Variants in CFAP57 observed in about 807,000 individuals in gnomAD.
CFAP57 encodes cilia and flagella associated protein 57, also known as cilia- and flagella-associated protein 57.
CFAP57 carries 116 observed loss-of-function variants against 146.8 expected under a neutral mutation model. The ratio of observed to expected loss-of-function variants is 0.79; its 90% CI spans 0.68 to 0.92. The LOEUF is 0.92. Among genes scored for constraint, CFAP57 ranks in the 40% least tolerant of loss-of-function variants. CFAP57 has a pLI of 0.00. For synonymous variants in CFAP57, 518 were observed against 552.8 expected (o/e 0.94, Z 0.88); for missense variants, 1,377 against 1,527.2 (o/e 0.90, Z 1.64).
chr1:43,206,176 T>C (rs76361464), intron 9 of CFAP57, among the ~76,000 whole-genome samples: 2,117 of 152,166 alleles, frequency 0.014, 53 homozygotes, highest in African/African-American at 0.049. Context: ...ACCCAGGCTA[T>C]TCTCAAACTG....
intron 9 of CFAP57, among the ~76,000 whole-genome samples, chr1:43,200,397 G>A (rs1644066568): frequency 6.6e-6 from 1 of 151,488 alleles, no homozygotes; most frequent in South Asian, 2.1e-4. Context: ...TGCGGTGGGA[G>A]GATCACTTGG....
chr1:43,209,655 G>A (rs1210233686), intron 10 of CFAP57, 88 bp from the exon 11 acceptor site: 3 of 1,336,112 alleles, frequency 2.2e-6, no homozygotes, highest in Admixed American at 3.8e-5. Flanking sequence ...CTAGGGATCT[G>A]TTAGAGCAGA....
intron 22 of CFAP57, among the ~76,000 whole-genome samples, chr1:43,252,630 AAAATC>A (rs1030201147): frequency 1.5e-4 from 23 of 152,328 alleles, no homozygotes; most frequent in African/African-American, 5.5e-4. Context: ...CAACAACAAA[AAAATC>A]AAACTACAGA....
intron 10 of CFAP57, 81 bp downstream of exon 10, chr1:43,207,013 C>T: frequency 6.9e-7 from 1 of 1,453,122 alleles, no homozygotes; most frequent in Non-Finnish European, 9.6e-7. Context: ...ACAAAGTATG[C>T]ACGGAATGAG....
intron 6 of CFAP57, among the ~76,000 whole-genome samples, chr1:43,191,586 CAAAA>C (rs10672819): frequency 3.1e-5 from 2 of 65,054 alleles, no homozygotes; most frequent in African/African-American, 5.7e-5. Flanking sequence ...GACTCCGTCT[CAAAA>C]AAAAAAAAAA....
chr1:43,181,596 A>G lies in CFAP57; in HGVS notation c.220A>G (p.Ile74Val). The stretch of plus-strand genomic sequence containing the variant: ...CAGTCCCAATCGGCGGTACCTCGCT[A>G]TCTCTGAGACTGTGCAAGAAAAACC... ...SISPNRRYLAISETVQEKPAI... is the reference protein window; with the variant it reads ...SISPNRRYLAVSETVQEKPAI... Residue 74 changes from isoleucine (I) to valine (V), a missense_variant, in exon 3 of 23, where the codon ATC (isoleucine) becomes GTC (valine). Ile to Val is a conservative substitution (Grantham distance 29). Transcript: ENST00000372492. 3 of 1,614,218 alleles carry G rather than the reference A, an allele frequency of 1.9e-6. No homozygotes were observed. Among genetic ancestry groups the G allele is most frequent in the Non-Finnish European group, 1.7e-6 (2 of 1,180,038 alleles).
rs1006786966 is a variant in CFAP57, at chr1:43,229,190, C to T, written c.3009+2064C>T. ...GCCCCCTTTCTCCTTCCTCATTTGA[C>T]ACATTTGTCAGCTGCATTTCAGGTC... is the stretch of plus-strand genomic sequence containing the variant. On this transcript the variant is annotated intron_variant, in intron 18 of 22. Coordinates refer to ENST00000372492, the MANE Select transcript of CFAP57 (RefSeq NM_001378189.1). Among the ~76,000 whole-genome samples the T allele has an allele frequency of 3.4e-5, 5 of 149,110 alleles. 1 individual carries two copies. The East Asian group carries it at 1.0e-3, about 31-fold the overall frequency.
At chr1:43,232,020 G>A (rs1479562889) in intron 18 of CFAP57, 1 of 690,570 alleles carries the variant, frequency 1.4e-6, no homozygotes, top group East Asian at 2.7e-5. Context: ...TTATGCCTTA[G>A]ATGGGTGGTG....
chr1:43,197,532 T>C, intron 6 of CFAP57, 21 bp from the exon 7 acceptor site: 1 of 1,614,202 alleles, frequency 6.2e-7, no homozygotes, highest in African/African-American at 1.3e-5. Context: ...TGCGGGATCT[T>C]GTTCTGTGTG....
intron 6 of CFAP57, among the ~76,000 whole-genome samples, chr1:43,187,229 A>T (rs1643186742): frequency 6.6e-6 from 1 of 152,264 alleles, no homozygotes; most frequent in Admixed American, 6.5e-5. Flanking sequence ...TTTTGGAATA[A>T]CAAAGAAAGC....
chr1:43,226,886 C>T, intron 17 of CFAP57, 97 bp from the exon 18 acceptor site: 1 of 1,354,236 alleles, frequency 7.4e-7, no homozygotes, highest in Non-Finnish European at 9.7e-7. Context: ...ACCTCTTCAA[C>T]CAGGAGAGTC....
intron 21 of CFAP57, among the ~76,000 whole-genome samples, chr1:43,241,428 C>G (rs1645915487): frequency 2.0e-5 from 3 of 151,908 alleles, no homozygotes; most frequent in African/African-American, 7.3e-5. Flanking sequence ...ATTGCGGTGT[C>G]TCTAGCCCGA....
intron 11 of CFAP57, chr1:43,210,135 T>C: frequency 1.9e-6 from 3 of 1,605,004 alleles, no homozygotes; most frequent in Non-Finnish European, 2.5e-6. Flanking sequence ...CACCTAAAAA[T>C]GTATGTACAA....
chr1:43,224,844 C>G (rs987577152), intron 17 of CFAP57, among the ~76,000 whole-genome samples: 4 of 152,184 alleles, frequency 2.6e-5, no homozygotes, highest in Non-Finnish European at 1.5e-5. Context: ...GGGCCAAGGA[C>G]GTGGGCTTCA....
intron 21 of CFAP57, among the ~76,000 whole-genome samples, chr1:43,241,260 G>GC (rs1557831176): frequency 6.6e-6 from 1 of 152,116 alleles, no homozygotes; most frequent in Non-Finnish European, 1.5e-5. Flanking sequence ...CTCCCTCTAG[G>GC]CCCCACCTCC....
At chr1:43,222,464 T>C (rs937614447) in intron 15 of CFAP57, among the ~76,000 whole-genome samples, 169 bp downstream of exon 15, 2 of 152,098 alleles carry the variant, frequency 1.3e-5, no homozygotes, top group African/African-American at 4.8e-5. Context: ...CCAAATAACA[T>C]CGCAAATAAA....
chr1:43,189,639 T>A (rs1643374012), intron 6 of CFAP57, among the ~76,000 whole-genome samples: 1 of 152,204 alleles, frequency 6.6e-6, no homozygotes, highest in Admixed American at 6.5e-5. Context: ...AGTTTTTGTG[T>A]TAGGTTATTC....
At position 43,238,617 on chromosome 1, in the gene CFAP57, C is replaced by A. The variant is rs1234124540; in HGVS notation, c.3405+3979C>A. On this transcript the variant is annotated intron_variant, in intron 21 of 22. Coordinates refer to ENST00000372492, the MANE Select transcript of CFAP57 (RefSeq NM_001378189.1). This position sits in a 1 kb window ranked among gnomAD's most constrained non-coding sequence, Gnocchi z 4.3. ...TTTTAATCCACAAAGCCATCCAAAG[C>A]AAAAACGGTCGACCTCAATGTGACC... 6.6e-6 allele frequency among the ~76,000 whole-genome samples: 1 copy of A among 152,156 alleles called. No individual in the cohort carries two copies. Among genetic ancestry groups the A allele is most frequent in the Admixed American group, 6.5e-5 (1 of 15,284 alleles).
intron 6 of CFAP57, among the ~76,000 whole-genome samples, chr1:43,191,763 G>T (rs1643549525): frequency 6.9e-6 from 1 of 145,664 alleles, no homozygotes; most frequent in African/African-American, 2.5e-5. Flanking sequence ...AATCTTTACT[G>T]TTTCCTTCCT....
Sources: gnomAD v4.1 joint callset for allele counts (sites outside exome capture counted in the v4.1 genomes callset) on GRCh38, gnomAD v4.1.1 for gene constraint, Gnocchi (gnomAD v3.1) non-coding constraint, MANE v1.5 for transcripts, NCBI Gene and HGNC (gene_info 2026-07-23, HGNC 2026-07-21) for gene names.